The following PTPN13 variants were observed in gnomAD, a reference collection of about 807,000 sequenced individuals.
PTPN13 encodes protein tyrosine phosphatase non-receptor type 13, also known as tyrosine-protein phosphatase non-receptor type 13.
Under a neutral mutation model 284.0 loss-of-function variants are expected in PTPN13, and 191 were observed. That is an observed-to-expected ratio of 0.67 (90% confidence interval 0.60 to 0.76). The LOEUF is 0.76. PTPN13 is among the 30% of genes least tolerant of loss of function. The pLI is 0.00. For synonymous variants in PTPN13, 986 were observed against 1,022.3 expected, an observed-to-expected ratio of 0.96 and a Z score of 0.68; for missense variants, 2,797 against 2,939.9, an observed-to-expected ratio of 0.95 and a Z score of 1.12.
At chr4:86,783,211 T>G (rs1351431026) in intron 37 of PTPN13, among the ~76,000 whole-genome samples, 3 of 152,188 alleles carry the variant, frequency 2.0e-5, no homozygotes, top group Non-Finnish European at 2.9e-5. Context: ...CATGAAAAGA[T>G]AATTACAGCA....
intron 40 of PTPN13, among the ~76,000 whole-genome samples, chr4:86,795,909 G>A (rs146203379): frequency 0.14 from 20,662 of 152,104 alleles, 1,798 homozygotes; most frequent in East Asian, 0.3. Context: ...GCCTGGGGGA[G>A]GGATAGCATT....
chr4:86,626,495 G>A (rs1025905030), intron 1 of PTPN13, among the ~76,000 whole-genome samples: 1 of 151,778 alleles, frequency 6.6e-6, no homozygotes, highest in Non-Finnish European at 1.5e-5. Flanking sequence ...AACTATATTA[G>A]GCAATAATAT....
chr4:86,757,606 AAT>A (rs1271437629), intron 20 of PTPN13, among the ~76,000 whole-genome samples: 2 of 151,914 alleles, frequency 1.3e-5, no homozygotes, highest in African/African-American at 4.8e-5. Flanking sequence ...TCTCTACAAA[AAT>A]AAAAAATTAG....
intron 1 of PTPN13, among the ~76,000 whole-genome samples, chr4:86,595,128 T>A (rs561378351): frequency 1.3e-5 from 2 of 152,220 alleles, no homozygotes; most frequent in Non-Finnish European, 2.9e-5. Flanking sequence ...CATTGCCCCG[T>A]CGTGCTTGCA....
chr4:86,730,887 G>T (rs10025930), intron 10 of PTPN13, among the ~76,000 whole-genome samples: 1 of 152,048 alleles, frequency 6.6e-6, no homozygotes, highest in Non-Finnish European at 1.5e-5. Context: ...CTTCTGTGTC[G>T]ATCACACTGG....
chr4:86,766,122 C>G (rs978822357), intron 26 of PTPN13, among the ~76,000 whole-genome samples: 1 of 150,540 alleles, frequency 6.6e-6, no homozygotes, highest in Non-Finnish European at 1.5e-5. Context: ...GCCTCTGAGC[C>G]CAGCCTGATA....
intron 21 of PTPN13, 23 bp from the exon 22 acceptor site, chr4:86,758,653 CTT>C: frequency 6.3e-7 from 1 of 1,578,234 alleles, no homozygotes; most frequent in Non-Finnish European, 8.7e-7. Context: ...ATATGAAAAT[CTT>C]TTTAAAATGT....
Position 86,796,866 on chromosome 4 carries a change from T to C in PTPN13, c.6346-8T>C. 6.8e-7 allele frequency: 1 copy of C among 1,466,314 alleles called. No homozygotes were observed. Among genetic ancestry groups the C allele is most frequent in the Non-Finnish European group, 9.4e-7 (1 of 1,067,748 alleles). 90.8% of individuals were successfully genotyped at this position (1,466,314 alleles called of 1,614,324 possible). On this transcript the variant is annotated splice_region_variant and splice_polypyrimidine_tract_variant and intron_variant, in intron 40 of 47. Transcript: ENST00000411767. The stretch of plus-strand genomic sequence containing the variant: ...GGCTGATTTGATTCTTATATATTTT[T>C]ATTGTAGGCCACCAAAATGAATGGC...
At chr4:86,786,526 T>C (rs1045675609) in intron 40 of PTPN13, among the ~76,000 whole-genome samples, 3 of 152,182 alleles carry the variant, frequency 2.0e-5, no homozygotes, top group African/African-American at 7.2e-5. Context: ...AGCTTACGGC[T>C]GATAAGTATG....
At position 86,625,137 on chromosome 4, in the gene PTPN13, A is replaced by G. The variant is rs190207925; in HGVS notation, c.-5-10115A>G. 2.0e-3 allele frequency among the ~76,000 whole-genome samples: 302 copies of G among 152,220 alleles called. 2 individuals carry two copies. Among genetic ancestry groups the G allele is most frequent in the Non-Finnish European group, 3.7e-3 (249 of 67,998 alleles). ...ATCATTGGAAAGGTAATCACTCTCT[A>G]ATCTTTGTGACTTTACCTATTGCTT... On this transcript the variant is annotated intron_variant, in intron 1 of 47. Coordinates refer to ENST00000411767, the MANE Select transcript of PTPN13 (RefSeq NM_080683.3).
At chr4:86,706,811 A>C (rs1410832793) in intron 7 of PTPN13, among the ~76,000 whole-genome samples, 1 of 152,242 alleles carries the variant, frequency 6.6e-6, no homozygotes, top group East Asian at 1.9e-4. Flanking sequence ...GGCAGGAAGA[A>C]ACATAACTTA....
intron 25 of PTPN13, among the ~76,000 whole-genome samples, 186 bp downstream of exon 25, chr4:86,764,910 T>A (rs552967322): frequency 1.3e-5 from 2 of 152,348 alleles, no homozygotes; most frequent in African/African-American, 4.8e-5. Flanking sequence ...CCTGTGATTT[T>A]AAAAAAATTA....
chr4:86,757,291 T>C (rs1336166759), intron 20 of PTPN13, among the ~76,000 whole-genome samples: 1 of 152,204 alleles, frequency 6.6e-6, no homozygotes, highest in Non-Finnish European at 1.5e-5. Context: ...TCAGGCATTT[T>C]AATGGGCACT....
chr4:86,656,159 G>GT (rs1175239496), intron 2 of PTPN13, among the ~76,000 whole-genome samples: 4 of 152,036 alleles, frequency 2.6e-5, no homozygotes, highest in Non-Finnish European at 5.9e-5. Flanking sequence ...TTTTTTCAAG[G>GT]TTTTTAGCTT....
At chr4:86,611,575 C>A (rs1413333034) in intron 1 of PTPN13, among the ~76,000 whole-genome samples, 1 of 152,176 alleles carries the variant, frequency 6.6e-6, no homozygotes, top group Non-Finnish European at 1.5e-5. Context: ...TTTCAGGACA[C>A]TGTACATCGG....
intron 2 of PTPN13, among the ~76,000 whole-genome samples, chr4:86,649,741 T>G (rs1724864179): frequency 6.6e-6 from 1 of 152,136 alleles, no homozygotes; most frequent in Non-Finnish European, 1.5e-5. Context: ...AATTTTAAGA[T>G]TTTGTTCTAT....
In PTPN13 at chr4:86,747,529, ATAG is replaced by A. The variant is rs202217758; in HGVS notation, c.2650+2405_2650+2407del. On this transcript the variant is annotated intron_variant, in intron 17 of 47. Coordinates refer to ENST00000411767, the MANE Select transcript of PTPN13 (RefSeq NM_080683.3). ...GCTGCTATACTATGTAATAGCGGTA[ATAG>A]TAGCAGCAGCAGCAGCGGCAGCAGC... Among the ~76,000 whole-genome samples the A allele has an allele frequency of 1.6e-3, 236 of 151,426 alleles. 1 individual carries two copies. The highest frequency in any genetic ancestry group is 6.8e-3 in the Middle Eastern group (2 of 292).
intron 40 of PTPN13, among the ~76,000 whole-genome samples, chr4:86,787,878 A>G (rs779147636): frequency 6.6e-6 from 1 of 152,204 alleles, no homozygotes; most frequent in Non-Finnish European, 1.5e-5. Context: ...TAAATTGGCC[A>G]TCTGTTAATG....
intron 1 of PTPN13, among the ~76,000 whole-genome samples, chr4:86,605,086 G>A (rs1280869957): frequency 1.3e-5 from 2 of 151,852 alleles, no homozygotes; most frequent in African/African-American, 4.8e-5. Context: ...ATTCATGAGG[G>A]AAGTGTTTAC....
Sources: allele counts gnomAD v4.1 joint callset (sites outside exome capture counted in the v4.1 genomes callset), GRCh38; gene constraint gnomAD v4.1.1; transcripts MANE v1.5; gene names NCBI Gene and HGNC (gene_info 2026-07-23, HGNC 2026-07-21).